VPS8: variants seen among roughly 807,000 people sequenced by gnomAD.
VPS8 encodes vacuolar protein sorting-associated protein 8 homolog.
In VPS8, 129 loss-of-function variants were observed where a neutral mutation model predicts 216.4. The ratio of observed to expected loss-of-function variants is 0.60; its 90% CI spans 0.52 to 0.69. VPS8 has a LOEUF of 0.69. Ranked by LOEUF, VPS8 falls within the 30% of genes least tolerant of loss-of-function variation. VPS8 has a pLI of 0.00. For missense variants in VPS8, 1,531 were observed against 1,683.5 expected, an observed-to-expected ratio of 0.91 and a Z score of 1.59; for synonymous variants, 571 against 565.4, an observed-to-expected ratio of 1.01 and a Z score of -0.14.
chr3:184,904,459 G>T (rs1367376909), intron 25 of VPS8, among the ~76,000 whole-genome samples: 1 of 152,156 alleles, frequency 6.6e-6, no homozygotes, highest in East Asian at 1.9e-4. Flanking sequence ...AGATTATCTT[G>T]TGGGTTTTGT....
chr3:184,852,741 G>A (rs974114404), intron 11 of VPS8, among the ~76,000 whole-genome samples, 174 bp downstream of exon 11: 6 of 152,236 alleles, frequency 3.9e-5, no homozygotes, highest in Admixed American at 1.3e-4. Flanking sequence ...TTCTGGGCCT[G>A]GTCCTCCCGA....
At chr3:184,968,639 T>G (rs925487541) in intron 39 of VPS8, among the ~76,000 whole-genome samples, 1 of 152,218 alleles carries the variant, frequency 6.6e-6, no homozygotes, top group African/African-American at 2.4e-5. Flanking sequence ...GTGATGATTT[T>G]CCTGAGTATT....
intron 16 of VPS8, among the ~76,000 whole-genome samples, chr3:184,864,719 A>G (rs1042721996): frequency 6.6e-6 from 1 of 152,226 alleles, no homozygotes; most frequent in Non-Finnish European, 1.5e-5. Context: ...ACTGTTTCCA[A>G]ATCACTTATC....
chr3:185,045,999 A>G (rs1401657010), intron 46 of VPS8, among the ~76,000 whole-genome samples: 1 of 152,174 alleles, frequency 6.6e-6, no homozygotes, highest in Non-Finnish European at 1.5e-5. Context: ...GGTCATTTCC[A>G]GGGTTGCCAC....
At chr3:184,878,150 C>T (rs539167172) in intron 21 of VPS8, among the ~76,000 whole-genome samples, 2 of 151,726 alleles carry the variant, frequency 1.3e-5, no homozygotes, top group East Asian at 3.9e-4. Context: ...CACTCTTGTC[C>T]TCCAGATTGG....
chr3:184,860,468 TACACAC>T (rs59791657), intron 15 of VPS8, among the ~76,000 whole-genome samples: 11,871 of 147,202 alleles, frequency 0.081, 881 homozygotes, highest in African/African-American at 0.2. Flanking sequence ...TACACACACA[TACACAC>T]ACACACACAC....
At chr3:185,016,939 G>T (rs1416063403) in intron 45 of VPS8, among the ~76,000 whole-genome samples, 10 of 151,908 alleles carry the variant, frequency 6.6e-5, no homozygotes, top group Non-Finnish European at 1.3e-4. Context: ...CATCAGAAAT[G>T]ATATCCTAAA....
intron 31 of VPS8, among the ~76,000 whole-genome samples, chr3:184,928,038 T>G (rs923727859): frequency 6.6e-6 from 1 of 152,246 alleles, no homozygotes; most frequent in African/African-American, 2.4e-5. Flanking sequence ...GCCCCAATAC[T>G]TAATTTTTAA....
intron 1 of VPS8, among the ~76,000 whole-genome samples, chr3:184,819,915 G>C (rs1199713448): frequency 6.6e-6 from 1 of 152,190 alleles, no homozygotes; most frequent in African/African-American, 2.4e-5. Flanking sequence ...AGATTCTAAG[G>C]AAGAGGAAAT....
At chr3:184,896,904 G>C (rs988828719) in intron 23 of VPS8, among the ~76,000 whole-genome samples, 2 of 152,198 alleles carry the variant, frequency 1.3e-5, no homozygotes, top group Non-Finnish European at 2.9e-5. Flanking sequence ...AGGCAGCATT[G>C]AGTCTTGGGA....
chr3:184,940,254 A>C lies in VPS8; in HGVS notation c.3035+11A>C, dbSNP rs1177989755. 1 of 1,340,006 alleles carries C rather than the reference A, an allele frequency of 7.5e-7. No individual in the cohort carries two copies. The highest frequency in any genetic ancestry group is 9.9e-7 in the Non-Finnish European group (1 of 1,010,730). The allele number at this position is 1,340,006 out of a possible 1,614,324, so 83.0% of individuals were successfully genotyped here. ...TCTTCTTGACCCAAGGTATGTTGAC[A>C]AACTTTAGTCTTTCATTATATATAT... On this transcript the variant is annotated intron_variant, in intron 36 of 47. Coordinates refer to ENST00000625842, the MANE Select transcript of VPS8 (RefSeq NM_001009921.3).
intron 24 of VPS8, among the ~76,000 whole-genome samples, chr3:184,899,264 G>A (rs1446644568): frequency 6.6e-6 from 1 of 152,170 alleles, no homozygotes; most frequent in African/African-American, 2.4e-5. Context: ...GAATAGTGGA[G>A]AATGAGTTGT....
chr3:184,925,714 CTTAAAG>C (rs1313177964), intron 30 of VPS8, among the ~76,000 whole-genome samples: 1 of 151,602 alleles, frequency 6.6e-6, no homozygotes, highest in Non-Finnish European at 1.5e-5. Flanking sequence ...TATCAGGAAA[CTTAAAG>C]TTAAGGTATA....
intron 46 of VPS8, among the ~76,000 whole-genome samples, chr3:185,034,138 G>A (rs1269815110): frequency 6.6e-6 from 1 of 152,162 alleles, no homozygotes; most frequent in Non-Finnish European, 1.5e-5. Context: ...GTGAGAACAT[G>A]TGGTATTTTG....
At chr3:184,933,575 C>A (rs907932247) in intron 34 of VPS8, among the ~76,000 whole-genome samples, 1 of 151,422 alleles carries the variant, frequency 6.6e-6, no homozygotes. Context: ...TAATCATTTC[C>A]CCCCCTCTTT....
chr3:184,997,646 C>G (rs1240650965), intron 44 of VPS8, among the ~76,000 whole-genome samples: 1 of 151,994 alleles, frequency 6.6e-6, no homozygotes, highest in Non-Finnish European at 1.5e-5. Context: ...AGGGATAGAC[C>G]ATAAGCCAAC....
intron 36 of VPS8, among the ~76,000 whole-genome samples, chr3:184,947,259 C>G (rs1743852387): frequency 6.6e-6 from 1 of 152,160 alleles, no homozygotes; most frequent in East Asian, 1.9e-4. Context: ...TTTAACAATC[C>G]TCAATATTTT....
chr3:184,842,802 C>A (rs1722429713), intron 7 of VPS8, among the ~76,000 whole-genome samples: 1 of 152,170 alleles, frequency 6.6e-6, no homozygotes, highest in East Asian at 1.9e-4. Context: ...TGTTTATTGC[C>A]TCTTCTTAAG....
intron 21 of VPS8, among the ~76,000 whole-genome samples, chr3:184,872,369 T>C (rs1258734304): frequency 6.6e-6 from 1 of 151,884 alleles, no homozygotes. Flanking sequence ...GGAACAAAGG[T>C]GACGTTCTGA....
Sources: gnomAD v4.1 joint callset for allele counts (sites outside exome capture counted in the v4.1 genomes callset) on GRCh38, gnomAD v4.1.1 for gene constraint, MANE v1.5 for transcripts, NCBI Gene and HGNC (gene_info 2026-07-23, HGNC 2026-07-21) for gene names.